ERAP2: variants seen among roughly 807,000 people sequenced by gnomAD.
ERAP2 encodes endoplasmic reticulum aminopeptidase 2, also known as leukocyte-derived arginine aminopeptidase.
In ERAP2, 118 loss-of-function variants were observed where a neutral mutation model predicts 111.1. The ratio of observed to expected loss-of-function variants is 1.06; its 90% CI spans 0.92 to 1.24. The LOEUF is 1.24. ERAP2 is among the 50% of genes most tolerant of loss of function. The probability of loss-of-function intolerance (pLI) is 0.00; values close to 1 mark genes in which losing one functional copy is unlikely to be tolerated. For synonymous variants in ERAP2, 410 were observed against 401.2 expected (o/e 1.02, Z -0.26); for missense variants, 1,131 against 1,125.8 (o/e 1.00, Z -0.07).
chr5:96,918,894 T>C lies in ERAP2; in HGVS notation c.*1289T>C, dbSNP rs867773617. On this transcript the variant is annotated 3_prime_UTR_variant, in exon 19 of 19. Transcript: ENST00000437043. The stretch of plus-strand genomic sequence containing the variant: ...TATTTTAAGGAAACCCCCCACCTCC[T>C]TCTTTTAAGGGCGCTTCTTGCTCTC... 7.9e-5 allele frequency: 12 copies of C among 152,216 alleles called. No homozygotes were observed. Among genetic ancestry groups the C allele is most frequent in the African/African-American group, 2.4e-4 (10 of 41,462 alleles). 9.4% of individuals were successfully genotyped at this position (152,216 alleles called of 1,614,324 possible).
chr5:96,896,965 T>TAAGTCATTTGTTGGGTAACGATAGACTG, intron 9 of ERAP2, 102 bp downstream of exon 9: 1 of 987,684 alleles, frequency 1.0e-6, no homozygotes, highest in Non-Finnish European at 1.4e-6. Flanking sequence ...GTCAACCATA[T>TAAGTCATTTGTTGGGTAACGATAGACTG]TTATTCTGCT....
rs1785565589 is a variant in ERAP2, at chr5:96,902,371, CA to C, written c.1828+21del. On this transcript the variant is annotated intron_variant, in intron 12 of 18. Transcript: ENST00000437043. ...AAAGACAGGTAATGAACTAATTAGC[CA>C]AACAGGTATTTCAATGTGGAAATTA... 2 of 1,500,380 alleles carry C rather than the reference CA, an allele frequency of 1.3e-6. No homozygotes were observed. Among genetic ancestry groups the C allele is most frequent in the East Asian group, 4.5e-5 (2 of 44,232 alleles). 92.9% of individuals were successfully genotyped at this position (1,500,380 alleles called of 1,614,324 possible).
chr5:96,898,344 A>C (rs1449819693), intron 9 of ERAP2, among the ~76,000 whole-genome samples: 2 of 152,126 alleles, frequency 1.3e-5, no homozygotes, highest in Non-Finnish European at 2.9e-5. Flanking sequence ...TTTGTGGTTA[A>C]AGAAACAAAA....
In ERAP2 at chr5:96,909,778, T is replaced by A; in HGVS notation, c.2354+14T>A. 1.2e-6 allele frequency: 2 copies of A among 1,612,432 alleles called. No individual in the cohort carries two copies. Among genetic ancestry groups the A allele is most frequent in the Non-Finnish European group, 1.7e-6 (2 of 1,178,744 alleles). ...TGGAAAATTAAAGTAGATGTAGACT[T>A]CTGTCCTACCCTTTGTTCTTTTCTC... On this transcript the variant is annotated intron_variant, in intron 15 of 18. Coordinates refer to ENST00000437043, the MANE Select transcript of ERAP2 (RefSeq NM_022350.5).
intron 13 of ERAP2, among the ~76,000 whole-genome samples, chr5:96,906,236 T>C (rs540318019): frequency 1.6e-4 from 25 of 151,778 alleles, no homozygotes; most frequent in African/African-American, 6.0e-4. Context: ...CCTCCTCCTC[T>C]TCCTCTTCCT....
Position 96,886,771 on chromosome 5 carries a change from C to A in ERAP2, c.831C>A (p.Phe277Leu). 1 of 1,514,024 alleles carries A rather than the reference C, an allele frequency of 6.6e-7. No individual in the cohort carries two copies. The allele number at this position is 1,514,024 out of a possible 1,614,324, so 93.8% of individuals were successfully genotyped here. Residue 277 changes from phenylalanine to leucine, a missense_variant, in exon 4 of 19, where the codon TTC becomes TTA. This residue lies in a region of ERAP2 where 847 missense variants were observed against 856.5 expected (regional missense o/e 0.99). Transcript: ENST00000437043. ...GTGATTTCCACTCTCTGAGTGGCTTCACTTCATCAGGGGTCAAGGTGAGAC... is the reference window on the plus strand; with the variant it reads ...GTGATTTCCACTCTCTGAGTGGCTTAACTTCATCAGGGGTCAAGGTGAGAC... ...IVCDFHSLSG[F>L]TSSGVKVSIY...
rs1384506456 is a variant in ERAP2, at chr5:96,915,691, T to C, written c.2661T>C (p.Phe887=). 1.1e-5 allele frequency: 16 copies of C among 1,514,010 alleles called. No homozygotes were observed. Among genetic ancestry groups the C allele is most frequent in the Non-Finnish European group, 1.3e-5 (15 of 1,131,902 alleles). The allele number at this position is 1,514,010 out of a possible 1,614,324, so 93.8% of individuals were successfully genotyped here. ...RENWTHLLKK[F]DLGSYDIRMI... ...TGGTGTTTCTTTTTATTTTCAGATT[T>C]GACTTGGGCTCATATGACATAAGGA... The change falls in exon 18 of 19, where the codon TTT becomes TTC. Residue 887 remains phenylalanine (F), a synonymous_variant. Transcript: ENST00000437043.
chr5:96,886,167 C>T (rs1783690172), intron 3 of ERAP2, among the ~76,000 whole-genome samples: 1 of 152,208 alleles, frequency 6.6e-6, no homozygotes, highest in Non-Finnish European at 1.5e-5. Context: ...TGAGAAACAA[C>T]ACCAACCTCA....
At position 96,879,824 on chromosome 5, in the gene ERAP2, A is replaced by C; in HGVS notation, c.139A>C (p.Thr47Pro). The C allele has an allele frequency of 6.2e-7, 1 of 1,614,176 alleles. No individual in the cohort carries two copies. Among genetic ancestry groups the C allele is most frequent in the Non-Finnish European group, 8.5e-7 (1 of 1,180,036 alleles). The change falls in exon 2 of 19, where the codon ACT (threonine) becomes CCT (proline). Residue 47 changes from threonine (T) to proline (P), a missense_variant. This residue lies in a region of ERAP2 where 847 missense variants were observed against 856.5 expected (regional missense o/e 0.99). Transcript: ENST00000437043. Reference protein sequence around the residue: ...QFSVPSSYHFTEDPGAFPVAT... With the variant: ...QFSVPSSYHFPEDPGAFPVAT... ...CTCAGTGCCATCTAGTTATCACTTCACTGAGGATCCTGGGGCTTTCCCAGT... is the reference window on the plus strand; with the variant it reads ...CTCAGTGCCATCTAGTTATCACTTCCCTGAGGATCCTGGGGCTTTCCCAGT...
chr5:96,911,734 A>G (rs1359616963), intron 15 of ERAP2, among the ~76,000 whole-genome samples: 2 of 151,740 alleles, frequency 1.3e-5, no homozygotes, highest in Non-Finnish European at 2.9e-5. Context: ...TTAGCCGGGC[A>G]TGGTGCTATG....
At chr5:96,912,589 T>C (rs1786917729) in intron 15 of ERAP2, 48 bp from the exon 16 acceptor site, 2 of 1,528,550 alleles carry the variant, frequency 1.3e-6, no homozygotes, top group Admixed American at 2.1e-5. Context: ...AAGAAAAAAG[T>C]TTTTCTTTCA....
intron 2 of ERAP2, among the ~76,000 whole-genome samples, chr5:96,882,180 T>C (rs1421078666): frequency 6.6e-6 from 1 of 152,210 alleles, no homozygotes; most frequent in Admixed American, 6.5e-5. Flanking sequence ...CAGTATTGGA[T>C]AGGAAAAGTG....
At position 96,883,841 on chromosome 5, in the gene ERAP2, CCTTG is replaced by C; in HGVS notation, c.629_632del (p.Cys210LeufsTer47). Reference sequence around the variant, plus strand: ...GCCAACCCAGGCACGCATGGCTTTCCCTTGCTTTGATGAACCGTTGTTCAAAGCC... The same window carrying C: ...GCCAACCCAGGCACGCATGGCTTTCCCTTTGATGAACCGTTGTTCAAAGCC... On this transcript the variant is annotated frameshift_variant, in exon 3 of 19. Transcript: ENST00000437043. LOFTEE classifies it high-confidence loss of function. 1 of 1,613,764 alleles carries C rather than the reference CCTTG, an allele frequency of 6.2e-7. No homozygotes were observed. Among genetic ancestry groups the C allele is most frequent in the Non-Finnish European group, 8.5e-7 (1 of 1,179,894 alleles).
intron 4 of ERAP2, among the ~76,000 whole-genome samples, 161 bp downstream of exon 4, chr5:96,886,950 C>T (rs1394159562): frequency 6.6e-6 from 1 of 151,672 alleles, no homozygotes; most frequent in Non-Finnish European, 1.5e-5. Context: ...GTCCTGTCAC[C>T]AAGATACAAC....
chr5:96,912,758 T>A lies in ERAP2; in HGVS notation c.2476T>A (p.Tyr826Asn), dbSNP rs575169329. Residue 826 changes from tyrosine to asparagine, a missense_variant, in exon 16 of 19, where the codon TAT becomes AAT. By Grantham distance (143) the Tyr-to-Asn change is moderately radical (BLOSUM62 -2). Around this residue, in one of 3 missense-constraint regions of ERAP2, gnomAD observed 279 missense variants for 250.9 expected, o/e 1.11. Coordinates refer to ENST00000437043, the MANE Select transcript of ERAP2 (RefSeq NM_022350.5). ...AAGTGCTGAACAAAACAAAATTCTG[T>A]ATGCTTTGTCAACGAGCAAGCATCA... is the stretch of plus-strand genomic sequence containing the variant. ...MSSAEQNKIL[Y>N]ALSTSKHQEK... 8.1e-6 allele frequency: 13 copies of A among 1,601,526 alleles called. No individual in the cohort carries two copies. The highest frequency in any genetic ancestry group is 2.7e-5 in the African/African-American group (2 of 74,038).
At chr5:96,889,387 G>A in intron 5 of ERAP2, 82 bp downstream of exon 5, 1 of 1,468,020 alleles carries the variant, frequency 6.8e-7, no homozygotes, top group Non-Finnish European at 9.5e-7. Context: ...CTTTCTATGT[G>A]ATTTAAATGA....
intron 6 of ERAP2, among the ~76,000 whole-genome samples, chr5:96,892,884 G>A (rs1017308060): frequency 6.6e-6 from 1 of 152,140 alleles, no homozygotes; most frequent in African/African-American, 2.4e-5. Context: ...TGGCCATAAT[G>A]AAATACTTCA....
At chr5:96,897,975 T>A (rs1561380890) in intron 9 of ERAP2, among the ~76,000 whole-genome samples, 1 of 152,176 alleles carries the variant, frequency 6.6e-6, no homozygotes, top group African/African-American at 2.4e-5. Context: ...GGTGGGTAGA[T>A]CACTTCAGGT....
intron 3 of ERAP2, 124 bp downstream of exon 3, chr5:96,884,054 CT>C (rs1187633444): frequency 6.2e-5 from 36 of 583,462 alleles, no homozygotes; most frequent in Non-Finnish European, 9.2e-5. Flanking sequence ...ATCTATCTAT[CT>C]ATCTATCTAT....
Sources: allele counts gnomAD v4.1 joint callset (sites outside exome capture counted in the v4.1 genomes callset), GRCh38; gene constraint gnomAD v4.1.1; regional missense constraint gnomAD v4.1.1; transcripts MANE v1.5; gene names NCBI Gene and HGNC (gene_info 2026-07-23, HGNC 2026-07-21).